Variants in PAF1 observed in about 807,000 individuals in gnomAD.
PAF1 encodes the protein PAF1 component of Paf1/RNA polymerase II complex.
PAF1 carries 31 observed loss-of-function variants against 68.4 expected under a neutral mutation model. The observed-to-expected ratio is 0.45, with a 90% CI of 0.34 to 0.61. The LOEUF is 0.61. PAF1 is among the 20% of genes least tolerant of loss of function. The pLI is 0.01. For synonymous variants in PAF1, 256 were observed against 240.5 expected (o/e 1.06, Z -0.60); for missense variants, 435 against 692.9 (o/e 0.63, Z 4.18).
chr19:39,389,790 T>C lies in PAF1; in HGVS notation c.171-29A>G, dbSNP rs1210899460. 2 of 1,613,714 alleles carry C rather than the reference T, an allele frequency of 1.2e-6. No homozygotes were observed. The highest frequency in any genetic ancestry group is 2.2e-5 in the South Asian group (2 of 90,978). On this transcript the variant is annotated intron_variant, in intron 3 of 13. Transcript: ENST00000221265. This position sits in a 1 kb window ranked among gnomAD's most constrained non-coding sequence, Gnocchi z 5.3. The stretch of plus-strand genomic sequence containing the variant: ...GGTGGGGAAACACCTATTGTGGTGT[T>C]TGGATTCCAGCTTCACCCCTCACAG...
chr19:39,390,309 CAG>C lies in PAF1; in HGVS notation c.48-22_48-21del, dbSNP rs538593903. The C allele has an allele frequency of 1.2e-4, 194 of 1,605,622 alleles. 1 individual carries two copies. The East Asian group carries it at 4.3e-3, about 36-fold the overall frequency. The stretch of plus-strand genomic sequence containing the variant: ...TTGGGCCTAGTGGAGAAGAAAGAAA[CAG>C]TGATAGGTGGAGAGGACGGGATTGA... On this transcript the variant is annotated intron_variant, in intron 1 of 13. Transcript: ENST00000221265.
In PAF1 at chr19:39,390,721, A is replaced by G. The variant is rs990351961; in HGVS notation, c.47+97T>C. The G allele has an allele frequency of 5.4e-6, 7 of 1,305,390 alleles. No homozygotes were observed. In the African/African-American group the frequency reaches 5.9e-5, roughly 11 times the overall value. The allele number at this position is 1,305,390 out of a possible 1,614,324, so 80.9% of individuals were successfully genotyped here. On this transcript the variant is annotated intron_variant, in intron 1 of 13. Transcript: ENST00000221265. The stretch of plus-strand genomic sequence containing the variant: ...CCCCTTCGTCAAAGGTGAGCGCTTC[A>G]TGACGTCACGGGCAGACCTGGGGGC...
chr19:39,391,035 C>G lies in PAF1; in HGVS notation c.-171G>C. The G allele has an allele frequency of 1.5e-6, 1 of 665,918 alleles. No homozygotes were observed. The highest frequency in any genetic ancestry group is 2.5e-6 in the Non-Finnish European group (1 of 396,782). 41.3% of individuals were successfully genotyped at this position (665,918 alleles called of 1,614,324 possible). ...GCGGGCGAGAAGAGCTCCAGCGAGA[C>G]TCAGGTGAACGCGCAGGCAGCACCG... On this transcript the variant is annotated 5_prime_UTR_variant, in exon 1 of 14. Transcript: ENST00000221265.
Position 39,386,461 on chromosome 19 carries a change from GTC to G in PAF1, c.1183+19_1183+20del. On this transcript the variant is annotated intron_variant, in intron 13 of 13. Transcript: ENST00000221265. This position sits in a 1 kb window ranked among gnomAD's most constrained non-coding sequence, Gnocchi z 6.1. ...TTTCCACCCTCCCAGGGCTCCCAGA[GTC>G]TGGCCTGTCCAGATTTACCTGAGCC... 1 of 1,614,124 alleles carries G rather than the reference GTC, an allele frequency of 6.2e-7. No individual in the cohort carries two copies. The highest frequency in any genetic ancestry group is 8.5e-7 in the Non-Finnish European group (1 of 1,180,008).
Position 39,390,298 on chromosome 19 carries a change from G to A in PAF1, c.48-9C>T. ...TCCGGTGGGAATTGGGCCTAGTGGA[G>A]AAGAAAGAAACAGTGATAGGTGGAG... On this transcript the variant is annotated splice_polypyrimidine_tract_variant and intron_variant, in intron 1 of 13. Coordinates refer to ENST00000221265, the MANE Select transcript of PAF1 (RefSeq NM_019088.4). 2.5e-6 allele frequency: 4 copies of A among 1,609,932 alleles called. No homozygotes were observed. The highest frequency in any genetic ancestry group is 3.4e-6 in the Non-Finnish European group (4 of 1,177,948).
chr19:39,386,796 G>T lies in PAF1; in HGVS notation c.990C>A (p.Val330=). ...CCTTGGCCCGGCGCTTACTAAGGCGGACCCTGCAGGGGGTGAATTTGGGAG... is the reference window on the plus strand; with the variant it reads ...CCTTGGCCCGGCGCTTACTAAGGCGTACCCTGCAGGGGGTGAATTTGGGAG... ...GVYYNELETR[V]RLSKRRAKAG... The change falls in exon 12 of 14, where the codon GTC becomes GTA. Residue 330 remains valine (V), a synonymous_variant. Transcript: ENST00000221265. This position sits in a 1 kb window ranked among gnomAD's most constrained non-coding sequence, Gnocchi z 6.1. 6.2e-7 allele frequency: 1 copy of T among 1,610,116 alleles called. No homozygotes were observed. Among genetic ancestry groups the T allele is most frequent in the Non-Finnish European group, 8.5e-7 (1 of 1,176,352 alleles).
In PAF1 at chr19:39,386,195, G is replaced by T. The variant is rs754701850; in HGVS notation, c.1392C>A (p.Ala464=). The T allele has an allele frequency of 6.2e-7, 1 of 1,613,956 alleles. No homozygotes were observed. The highest frequency in any genetic ancestry group is 1.7e-5 in the Admixed American group (1 of 59,988). Residue 464 remains alanine, a synonymous_variant, in exon 14 of 14, where the codon GCC becomes GCA. Transcript: ENST00000221265. The surrounding 1 kb of genome is among the most constrained non-coding windows in gnomAD (Gnocchi z 6.1). ...GTCCTCTGTCCTCATCATCAGAGTCGGCATCGTCCTCAGAATCAGCATCAC... is the reference window on the plus strand; with the variant it reads ...GTCCTCTGTCCTCATCATCAGAGTCTGCATCGTCCTCAGAATCAGCATCAC... The part of the protein sequence containing the change: ...FGSDADSEDD[A]DSDDEDRGQA...
At position 39,389,492 on chromosome 19, in the gene PAF1, G is replaced by T; in HGVS notation, c.347C>A (p.Thr116Asn). 1 of 1,614,144 alleles carries T rather than the reference G, an allele frequency of 6.2e-7. No homozygotes were observed. The highest frequency in any genetic ancestry group is 8.5e-7 in the Non-Finnish European group (1 of 1,180,004). Residue 116 changes from threonine to asparagine, a missense_variant, in exon 5 of 14, where the codon ACC (threonine) becomes AAC (asparagine). By Grantham distance (65) the Thr-to-Asn change is moderately conservative (BLOSUM62 0). This residue lies in a region of PAF1 where 77 missense variants were observed against 118.2 expected (regional missense o/e 0.65). Coordinates refer to ENST00000221265, the MANE Select transcript of PAF1 (RefSeq NM_019088.4). The surrounding 1 kb of genome is among the most constrained non-coding windows in gnomAD (Gnocchi z 5.3). ...KLLEEEIQAP[T>N]SSKRSQQHAK... Reference sequence around the variant, plus strand: ...GCTACCCACTCACCTCTTGGAGCTGGTGGGGGCCTGAATCTCCTCTTCCAA... The same window carrying T: ...GCTACCCACTCACCTCTTGGAGCTGTTGGGGGCCTGAATCTCCTCTTCCAA...
Position 39,389,848 on chromosome 19 carries a change from A to G in PAF1, c.171-87T>C. 3 of 1,564,294 alleles carry G rather than the reference A, an allele frequency of 1.9e-6. No individual in the cohort carries two copies. The highest frequency in any genetic ancestry group is 2.6e-6 in the Non-Finnish European group (3 of 1,137,910). The stretch of plus-strand genomic sequence containing the variant: ...TCCCAGAGGCGGAGCTTCTCTGGGG[A>G]GGAACTCAGAATGAAGTGTCCCCCA... On this transcript the variant is annotated intron_variant, in intron 3 of 13. Transcript: ENST00000221265. This position sits in a 1 kb window ranked among gnomAD's most constrained non-coding sequence, Gnocchi z 5.3.
chr19:39,386,868 C>T lies in PAF1; in HGVS notation c.987-69G>A. 2.9e-6 allele frequency: 3 copies of T among 1,051,886 alleles called. No homozygotes were observed. Among genetic ancestry groups the T allele is most frequent in the South Asian group, 2.5e-5 (2 of 79,392 alleles). The allele number at this position is 1,051,886 out of a possible 1,614,324, so 65.2% of individuals were successfully genotyped here. A position where few individuals can be genotyped will look rare whatever the true frequency, so the allele number is the denominator to read the frequency against. The stretch of plus-strand genomic sequence containing the variant: ...AAAGACACACCTCCCACTTCCCCGC[C>T]CCCCAGTGAGGGGTCTGGTCTGACT... On this transcript the variant is annotated intron_variant, in intron 11 of 13. Coordinates refer to ENST00000221265, the MANE Select transcript of PAF1 (RefSeq NM_019088.4). This position sits in a 1 kb window ranked among gnomAD's most constrained non-coding sequence, Gnocchi z 6.1.
In PAF1 at chr19:39,390,909, A is replaced by C. The variant is rs756520783; in HGVS notation, c.-45T>G. 20 of 1,551,264 alleles carry C rather than the reference A, an allele frequency of 1.3e-5. No homozygotes were observed. The highest frequency in any genetic ancestry group is 1.7e-5 in the Non-Finnish European group (20 of 1,145,454). On this transcript the variant is annotated 5_prime_UTR_variant, in exon 1 of 14. Coordinates refer to ENST00000221265, the MANE Select transcript of PAF1 (RefSeq NM_019088.4). ...CCCGGACGGGGTCCTAGCGGGACCG[A>C]AGGGGGACGCAGAGGGGCGTGCCGA...
chr19:39,388,018 G>T (rs2078290851), intron 11 of PAF1, among the ~76,000 whole-genome samples: 1 of 152,156 alleles, frequency 6.6e-6, no homozygotes, highest in South Asian at 2.1e-4. Flanking sequence ...GCACACGCCT[G>T]TGATGCCAGC....
At position 39,390,161 on chromosome 19, in the gene PAF1, C is replaced by G; in HGVS notation, c.78G>C (p.Arg26Ser). ...RPNSHRTLPE[R>S]SGVVCRVKYC... is the part of the protein sequence containing the mutation. ...ACTTGACTCGGCAGACCACTCCAGA[C>G]CTAGGAACATTAGTGGCTCAAAAGT... The change falls in exon 3 of 14, where the codon AGG (arginine) becomes AGC (serine). Residue 26 changes from arginine to serine, a missense_variant and splice_region_variant. Coordinates refer to ENST00000221265, the MANE Select transcript of PAF1 (RefSeq NM_019088.4). The G allele has an allele frequency of 6.2e-7, 1 of 1,613,896 alleles. No individual in the cohort carries two copies.
chr19:39,387,230 G>T, intron 11 of PAF1: 1 of 416,792 alleles, frequency 2.4e-6, no homozygotes, highest in Non-Finnish European at 4.8e-6. Flanking sequence ...ACTGAATACT[G>T]CAGGCAATTG....
Position 39,390,878 on chromosome 19 carries a change from C to T in PAF1, c.-14G>A. The T allele has an allele frequency of 6.3e-7, 1 of 1,574,940 alleles. No individual in the cohort carries two copies. The highest frequency in any genetic ancestry group is 8.6e-7 in the Non-Finnish European group (1 of 1,160,040). On this transcript the variant is annotated 5_prime_UTR_variant, in exon 1 of 14. Coordinates refer to ENST00000221265, the MANE Select transcript of PAF1 (RefSeq NM_019088.4). ...GGTGGGCGCCATAGCGACGAGGCGACGGCAGCCCGGACGGGGTCCTAGCGG... is the reference window on the plus strand; with the variant it reads ...GGTGGGCGCCATAGCGACGAGGCGATGGCAGCCCGGACGGGGTCCTAGCGG...
chr19:39,389,263 C>T lies in PAF1; in HGVS notation c.461+19G>A, dbSNP rs1392135111. 3.7e-6 allele frequency: 6 copies of T among 1,611,902 alleles called. No individual in the cohort carries two copies. The highest frequency in any genetic ancestry group is 1.7e-5 in the Admixed American group (1 of 60,028). ...CACCTAATATCTCCACCTTCCCTCT[C>T]TTCCTGTTAGTAACTTACTTGACCT... is the stretch of plus-strand genomic sequence containing the variant. On this transcript the variant is annotated intron_variant, in intron 6 of 13. Coordinates refer to ENST00000221265, the MANE Select transcript of PAF1 (RefSeq NM_019088.4). The surrounding 1 kb of genome is among the most constrained non-coding windows in gnomAD (Gnocchi z 5.3).
rs535361800 is a variant in PAF1, at chr19:39,390,932, C to G, written c.-68G>C. The G allele has an allele frequency of 1.3e-4, 191 of 1,482,586 alleles. No homozygotes were observed. Among genetic ancestry groups the G allele is most frequent in the Non-Finnish European group, 1.7e-4 (187 of 1,089,674 alleles). The allele number at this position is 1,482,586 out of a possible 1,614,324, so 91.8% of individuals were successfully genotyped here. A position where few individuals can be genotyped will look rare whatever the true frequency, so the allele number is the denominator to read the frequency against. ...CGAAGGGGGACGCAGAGGGGCGTGC[C>G]GACTTCAGGGGACGCCTGATCCGAG... On this transcript the variant is annotated 5_prime_UTR_variant, in exon 1 of 14. Coordinates refer to ENST00000221265, the MANE Select transcript of PAF1 (RefSeq NM_019088.4).
intron 1 of PAF1, 70 bp downstream of exon 1, chr19:39,390,747 TG>T (rs2078362428): frequency 6.8e-7 from 1 of 1,468,308 alleles, no homozygotes; most frequent in Admixed American, 2.0e-5. Flanking sequence ...ACCTGGGGGC[TG>T]GTGACGTTGT....
Position 39,391,015 on chromosome 19 carries a change from C to G in PAF1, c.-151G>C, listed in dbSNP as rs2078368038. On this transcript the variant is annotated 5_prime_UTR_variant, in exon 1 of 14. Transcript: ENST00000221265. Reference sequence around the variant, plus strand: ...AGTGGGTTGAGATGAGGTGGGCGGGCGAGAAGAGCTCCAGCGAGACTCAGG... The same window carrying G: ...AGTGGGTTGAGATGAGGTGGGCGGGGGAGAAGAGCTCCAGCGAGACTCAGG... 1 of 734,682 alleles carries G rather than the reference C, an allele frequency of 1.4e-6. No homozygotes were observed. The highest frequency in any genetic ancestry group is 1.8e-5 in the South Asian group (1 of 55,142). 45.5% of individuals were successfully genotyped at this position (734,682 alleles called of 1,614,324 possible).
Sources: allele counts gnomAD v4.1 joint callset (sites outside exome capture counted in the v4.1 genomes callset), GRCh38; gene constraint gnomAD v4.1.1; regional missense constraint gnomAD v4.1.1; non-coding constraint Gnocchi (gnomAD v3.1); transcripts MANE v1.5; gene names NCBI Gene and HGNC (gene_info 2026-07-23, HGNC 2026-07-21).